The following MACF1 variants were observed in gnomAD, a reference collection of about 807,000 sequenced individuals.
MACF1 encodes microtubule-actin cross-linking factor 1.
A neutral mutation model predicts 854.8 loss-of-function variants in MACF1; 193 were observed. That is an observed-to-expected ratio of 0.23 (90% CI 0.20 to 0.25). MACF1 has a LOEUF of 0.25. Ranked by LOEUF, MACF1 falls within the 10% of genes least tolerant of loss-of-function variation. The pLI, the probability that MACF1 is intolerant of heterozygous loss-of-function variation, is 1.00. For synonymous variants in MACF1, 3,185 were observed against 3,226.7 expected (o/e 0.99, Z 0.44); for missense variants, 7,722 against 8,929.1 (o/e 0.86, Z 5.45).
chr1:39,380,768 C>T (rs1007190329), intron 55 of MACF1, among the ~76,000 whole-genome samples: 1 of 151,922 alleles, frequency 6.6e-6, no homozygotes, highest in Non-Finnish European at 1.5e-5. Context: ...ACAAATTAGC[C>T]AGGTGTGGTG....
At chr1:39,233,839 G>C (rs1644818528) in intron 2 of MACF1, among the ~76,000 whole-genome samples, 1 of 117,568 alleles carries the variant, frequency 8.5e-6, no homozygotes, top group Non-Finnish European at 1.8e-5. Context: ...TCTCACAGAG[G>C]GGGATTTGGC....
Position 39,452,709 on chromosome 1 carries a change from A to C in MACF1, c.20639A>C (p.His6880Pro), listed in dbSNP as rs1190103965. The change falls in exon 87 of 101, where the codon CAC (histidine) becomes CCC (proline). Residue 6880 changes from histidine (H) to proline (P), a missense_variant. His to Pro is a moderately conservative substitution (Grantham distance 77). Transcript: ENST00000564288. ...GCGGAAGTGTTTCGAGACACAGTCC[A>C]CATGCTGTTGGAGTGGCTTTCTGAA... ...KQAEVFRDTV[H>P]MLLEWLSEAE... The C allele has an allele frequency of 6.2e-7, 1 of 1,613,540 alleles. No homozygotes were observed. The highest frequency in any genetic ancestry group is 8.5e-7 in the Non-Finnish European group (1 of 1,180,016).
intron 89 of MACF1, chr1:39,457,282 G>A (rs1644459999): frequency 6.6e-6 from 1 of 152,112 alleles, no homozygotes; most frequent in Non-Finnish European, 1.5e-5. Flanking sequence ...GTGATGTCTG[G>A]AGTTCCTCCT....
intron 73 of MACF1, 32 bp downstream of exon 73, chr1:39,441,157 A>G (rs766527635): frequency 6.2e-7 from 1 of 1,614,194 alleles, no homozygotes; most frequent in Admixed American, 1.7e-5. Flanking sequence ...ACTCAGTTAG[A>G]ACATTAGTGG....
chr1:39,347,287 GTGTA>G, intron 41 of MACF1, 77 bp downstream of exon 41: 1 of 1,099,560 alleles, frequency 9.1e-7, no homozygotes, highest in Admixed American at 2.0e-5. Context: ...GCCAGACTCT[GTGTA>G]TCATGATTGC....
rs1234202496 is a variant in MACF1, at chr1:39,318,514, C to T, written c.3844C>T (p.Leu1282Phe). 1 of 1,614,046 alleles carries T rather than the reference C, an allele frequency of 6.2e-7. No homozygotes were observed. The highest frequency in any genetic ancestry group is 8.5e-7 in the Non-Finnish European group (1 of 1,179,970). Residue 1282 changes from leucine to phenylalanine, a missense_variant, in exon 30 of 101, where the codon CTC (leucine) becomes TTC (phenylalanine). By Grantham distance (22) the Leu-to-Phe change is conservative (BLOSUM62 0). Coordinates refer to ENST00000564288, the MANE Select transcript of MACF1 (RefSeq NM_001394062.1). Reference protein sequence around the residue: ...LGDYRACHGTLIKWIEETTAQ... With the variant: ...LGDYRACHGTFIKWIEETTAQ... ...AGATTACCGAGCCTGCCATGGAACT[C>T]TCATCAAGTGGATTGAGGAAACCAC...
At chr1:39,243,675 T>C (rs1644949857) in intron 2 of MACF1, among the ~76,000 whole-genome samples, 1 of 152,194 alleles carries the variant, frequency 6.6e-6, no homozygotes, top group Non-Finnish European at 1.5e-5. Flanking sequence ...AGTGCTGCAA[T>C]AACATGCTTG....
chr1:39,393,760 G>A (rs1460496391), intron 58 of MACF1, among the ~76,000 whole-genome samples: 1 of 151,418 alleles, frequency 6.6e-6, no homozygotes, highest in Admixed American at 6.6e-5. Context: ...AGTGAGCTGC[G>A]TCCATGCCAC....
At position 39,313,715 on chromosome 1, in the gene MACF1, G is replaced by A. The variant is rs544415625; in HGVS notation, c.3271-1798G>A. Among the ~76,000 whole-genome samples the A allele has an allele frequency of 3.9e-5, 6 of 152,210 alleles. No homozygotes were observed. In the East Asian group the frequency reaches 7.7e-4, roughly 20 times the overall value. ...AATTTCCCAAAGTTAGCCAATGGAAGCCCCTTCAAGCTGGCTTTTTTGTCC... is the reference window on the plus strand; with the variant it reads ...AATTTCCCAAAGTTAGCCAATGGAAACCCCTTCAAGCTGGCTTTTTTGTCC... On this transcript the variant is annotated intron_variant, in intron 26 of 100. Coordinates refer to ENST00000564288, the MANE Select transcript of MACF1 (RefSeq NM_001394062.1).
chr1:39,093,262 C>T (rs1037334311), intron 2 of MACF1, among the ~76,000 whole-genome samples: 1 of 149,218 alleles, frequency 6.7e-6, no homozygotes, highest in African/African-American at 2.5e-5. Flanking sequence ...TCAGATCTCA[C>T]AGTTTGAGGG....
chr1:39,339,895 C>A (rs2148481971), intron 38 of MACF1, among the ~76,000 whole-genome samples: 1 of 152,042 alleles, frequency 6.6e-6, no homozygotes, highest in East Asian at 1.9e-4. Context: ...AGTGTGTGGC[C>A]TTGGGTAGGG....
At chr1:39,131,394 G>A (rs971735014) in intron 2 of MACF1, among the ~76,000 whole-genome samples, 25 of 145,160 alleles carry the variant, frequency 1.7e-4, no homozygotes, top group African/African-American at 5.1e-4. Context: ...GGCTGGTCTT[G>A]AACTCCTGGC....
rs1449493750 is a variant in MACF1, at chr1:39,393,191, AAAAAAATAT to A, written c.15816+4535_15816+4543del. On this transcript the variant is annotated intron_variant, in intron 58 of 100. Transcript: ENST00000564288. ...CCTTCCTGGGAAGGGTAAAAAAAAA[AAAAAAATAT>A]ATATATATATATATATATATATATG... Among the ~76,000 whole-genome samples, 27 of 102,560 alleles carry A rather than the reference AAAAAAATAT, an allele frequency of 2.6e-4. 1 individual carries two copies. Among genetic ancestry groups the A allele is most frequent in the African/African-American group, 1.3e-3 (27 of 21,210 alleles). 67.3% of individuals were successfully genotyped at this position (102,560 alleles called of 152,430 possible). A position where few individuals can be genotyped will look rare whatever the true frequency, so the allele number is the denominator to read the frequency against.
In MACF1 at chr1:39,361,573, C is replaced by T. The variant is rs760984985; in HGVS notation, c.12667C>T (p.His4223Tyr). 1.2e-6 allele frequency: 2 copies of T among 1,614,194 alleles called. No individual in the cohort carries two copies. Among genetic ancestry groups the T allele is most frequent in the Admixed American group, 3.3e-5 (2 of 60,030 alleles). ...TCTACCCCAGGCAGAGATGTTTGAA[C>T]ACCTCTCTGGTAAGCTGCAGCAGTT... ...KLLPQAEMFE[H>Y]LSGKLQQFME... The change falls in exon 49 of 101, where the codon CAC (histidine) becomes TAC (tyrosine). Residue 4223 changes from histidine to tyrosine, a missense_variant. Around this residue, in one of 15 missense-constraint regions of MACF1, gnomAD observed 2,807 missense variants for 3,235.8 expected, o/e 0.87. Coordinates refer to ENST00000564288, the MANE Select transcript of MACF1 (RefSeq NM_001394062.1).
At position 39,250,064 on chromosome 1, in the gene MACF1, C is replaced by T; in HGVS notation, c.222C>T (p.Asn74=). The T allele has an allele frequency of 6.2e-7, 1 of 1,613,882 alleles. No homozygotes were observed. The highest frequency in any genetic ancestry group is 8.5e-7 in the Non-Finnish European group (1 of 1,179,836). Residue 74 remains asparagine, a synonymous_variant, in exon 3 of 101, where the codon AAC becomes AAT. Coordinates refer to ENST00000564288, the MANE Select transcript of MACF1 (RefSeq NM_001394062.1). The part of the protein sequence containing the change: ...DLYEDLRDGH[N]LISLLEVLSG... ...ATGAAGATCTGCGGGATGGCCATAA[C>T]CTGATCTCTCTGTTGGAGGTCCTCT...
chr1:39,310,012 T>G (rs1168337096), intron 24 of MACF1, among the ~76,000 whole-genome samples: 2 of 152,190 alleles, frequency 1.3e-5, no homozygotes, highest in African/African-American at 4.8e-5. Context: ...TTGTGAACAA[T>G]TATTAAGAGT....
intron 2 of MACF1, among the ~76,000 whole-genome samples, chr1:39,235,662 A>G (rs1164076857): frequency 6.6e-6 from 1 of 152,178 alleles, no homozygotes; most frequent in African/African-American, 2.4e-5. Flanking sequence ...TGACCATTAT[A>G]ATAGTTTCCT....
At chr1:39,441,387 T>A in intron 74 of MACF1, 62 bp downstream of exon 74, 1 of 1,373,960 alleles carries the variant, frequency 7.3e-7, no homozygotes, top group Non-Finnish European at 1.0e-6. Context: ...ATTTTTGTCA[T>A]TTTTGGAATT....
chr1:39,373,035 G>A (rs896041481), intron 52 of MACF1: 10 of 193,726 alleles, frequency 5.2e-5, no homozygotes, highest in African/African-American at 1.9e-4. Flanking sequence ...GGCCAGGTGC[G>A]GCAGCTCACA....
Sources: gnomAD v4.1 joint callset for allele counts (sites outside exome capture counted in the v4.1 genomes callset) on GRCh38, gnomAD v4.1.1 for gene constraint, gnomAD v4.1.1 regional missense constraint, MANE v1.5 for transcripts, NCBI Gene and HGNC (gene_info 2026-07-23, HGNC 2026-07-21) for gene names.